Variants in ZMIZ1 observed in about 807,000 individuals in gnomAD.
ZMIZ1 encodes zinc finger MIZ-type containing 1, also known as zinc finger MIZ domain-containing protein 1.
A neutral mutation model predicts 113.9 loss-of-function variants in ZMIZ1; 17 were observed. The observed-to-expected ratio is 0.15, with a 90% confidence interval of 0.10 to 0.22. The LOEUF is 0.22. ZMIZ1 is among the 10% of genes least tolerant of loss of function. The pLI, the probability that ZMIZ1 is intolerant of heterozygous loss-of-function variation, is 1.00. For synonymous variants in ZMIZ1, 607 were observed against 603.1 expected, an observed-to-expected ratio of 1.01 and a Z score of -0.09; for missense variants, 1,059 against 1,477.8, an observed-to-expected ratio of 0.72 and a Z score of 4.65.
At chr10:79,114,469 GTGTGTGTC>G (rs1431282261) in intron 1 of ZMIZ1, among the ~76,000 whole-genome samples, 30 of 101,864 alleles carry the variant, frequency 2.9e-4, no homozygotes, top group African/African-American at 7.1e-4. Flanking sequence ...GTGTATGTGT[GTGTGTGTC>G]TGTGTGTGTG....
intron 7 of ZMIZ1, among the ~76,000 whole-genome samples, chr10:79,272,227 A>G (rs1401805234): frequency 6.6e-6 from 1 of 152,178 alleles, no homozygotes; most frequent in Non-Finnish European, 1.5e-5. Flanking sequence ...CAGATGTTGC[A>G]GTGAGCCAAG....
intron 7 of ZMIZ1, among the ~76,000 whole-genome samples, chr10:79,265,463 CTTTTCTTTT>C (rs1250761152): frequency 2.3e-5 from 3 of 131,732 alleles, no homozygotes; most frequent in African/African-American, 3.2e-5. Flanking sequence ...CCTTTTTTTT[CTTTTCTTTT>C]TTTTTTTTTT....
intron 1 of ZMIZ1, among the ~76,000 whole-genome samples, chr10:79,070,054 C>G (rs372387570): frequency 2.0e-5 from 3 of 148,018 alleles, no homozygotes; most frequent in African/African-American, 7.4e-5. Context: ...TCCCCGTGTT[C>G]TTTCTTCCTC....
chr10:79,240,706 G>A (rs1849791481), intron 7 of ZMIZ1, among the ~76,000 whole-genome samples: 1 of 137,616 alleles, frequency 7.3e-6, no homozygotes, highest in South Asian at 2.3e-4. Context: ...TCTCAAGCCG[G>A]AGGAGCGTAT....
rs77544575 is a variant in ZMIZ1, at chr10:79,228,253, C to T, written c.280+11979C>T. ...CCCATTCTATAGATTAGGAAACTGA[C>T]GCTCAAAGAGATTTATTCACTTGTC... On this transcript the variant is annotated intron_variant, in intron 7 of 24. Coordinates refer to ENST00000334512, the MANE Select transcript of ZMIZ1 (RefSeq NM_020338.4). Among the ~76,000 whole-genome samples, 1,014 of 152,338 alleles carry T rather than the reference C, an allele frequency of 6.7e-3. 10 individuals are homozygous for T. Among genetic ancestry groups the T allele is most frequent in the African/African-American group, 0.023 (944 of 41,574 alleles).
chr10:79,311,459 G>A (rs1191311671), intron 24 of ZMIZ1, among the ~76,000 whole-genome samples: 1 of 152,108 alleles, frequency 6.6e-6, no homozygotes, highest in South Asian at 2.1e-4. Flanking sequence ...CAAGCCCTGC[G>A]GGGTCCCTTG....
intron 7 of ZMIZ1, among the ~76,000 whole-genome samples, chr10:79,221,193 C>T (rs7082559): frequency 0.072 from 10,994 of 152,184 alleles, 970 homozygotes; most frequent in African/African-American, 0.21. Context: ...GAGCTTGGAG[C>T]GGGGCTTTGT....
At chr10:79,258,723 C>G (rs1232677196) in intron 7 of ZMIZ1, among the ~76,000 whole-genome samples, 1 of 152,224 alleles carries the variant, frequency 6.6e-6, no homozygotes, top group East Asian at 1.9e-4. Context: ...GCCCAGATAG[C>G]TCCCCTTTCA....
chr10:79,285,953 T>C (rs1360822740), intron 8 of ZMIZ1, among the ~76,000 whole-genome samples: 1 of 152,168 alleles, frequency 6.6e-6, no homozygotes, highest in East Asian at 1.9e-4. Context: ...AGTTGGCAAA[T>C]GGAACCGTTG....
intron 4 of ZMIZ1, among the ~76,000 whole-genome samples, chr10:79,164,433 TGAG>T (rs1179711170): frequency 2.0e-5 from 2 of 101,288 alleles, no homozygotes; most frequent in Non-Finnish European, 4.0e-5. Flanking sequence ...AGTGAGTGAG[TGAG>T]TGATTCTCAT....
chr10:79,200,834 ACATGTG>A (rs56369090), intron 4 of ZMIZ1, among the ~76,000 whole-genome samples: 66,350 of 151,414 alleles, frequency 0.44, 14,816 homozygotes, highest in Non-Finnish European at 0.49. Flanking sequence ...CACTCAGAGC[ACATGTG>A]CATGTGCATG....
intron 6 of ZMIZ1, among the ~76,000 whole-genome samples, chr10:79,215,356 G>A (rs1387222143): frequency 6.6e-6 from 1 of 150,994 alleles, no homozygotes; most frequent in East Asian, 1.9e-4. Flanking sequence ...CTGGAGTGCA[G>A]TGGTGCGATC....
At chr10:79,201,922 G>A (rs945590827) in intron 5 of ZMIZ1, among the ~76,000 whole-genome samples, 2 of 151,854 alleles carry the variant, frequency 1.3e-5, no homozygotes, top group South Asian at 2.1e-4. Context: ...GCTGTGTGAC[G>A]TTGGGCCAGT....
intron 7 of ZMIZ1, among the ~76,000 whole-genome samples, chr10:79,272,667 G>T (rs1467594864): frequency 6.6e-6 from 1 of 152,270 alleles, no homozygotes; most frequent in Non-Finnish European, 1.5e-5. Flanking sequence ...TTGGGTGAGT[G>T]ATAGAACACC....
intron 7 of ZMIZ1, among the ~76,000 whole-genome samples, chr10:79,234,168 G>T (rs7909784): frequency 0.33 from 49,856 of 151,926 alleles, 8,519 homozygotes; most frequent in Non-Finnish European, 0.39. Context: ...GGTAGAGGAG[G>T]GACTTGGGTG....
At chr10:79,290,751 G>T in intron 9 of ZMIZ1, 1 of 708,160 alleles carries the variant, frequency 1.4e-6, no homozygotes. Context: ...CAAGGCTGAC[G>T]TTCTCATCCC....
intron 7 of ZMIZ1, among the ~76,000 whole-genome samples, chr10:79,232,438 A>T (rs1258173060): frequency 1.3e-5 from 2 of 152,148 alleles, no homozygotes; most frequent in Admixed American, 1.3e-4. Context: ...AGGTATACAT[A>T]ATAAGTATTG....
chr10:79,239,806 G>C (rs1849734293), intron 7 of ZMIZ1, among the ~76,000 whole-genome samples: 1 of 152,130 alleles, frequency 6.6e-6, no homozygotes, highest in Non-Finnish European at 1.5e-5. Flanking sequence ...ACAGGATCCA[G>C]GAAGCCCATC....
intron 7 of ZMIZ1, among the ~76,000 whole-genome samples, chr10:79,221,852 C>T (rs761102368): frequency 1.3e-5 from 2 of 152,256 alleles, no homozygotes; most frequent in Admixed American, 6.5e-5. Flanking sequence ...GGGCCAGAGT[C>T]CAGAAGAGAG....
Sources: allele counts gnomAD v4.1 joint callset (sites outside exome capture counted in the v4.1 genomes callset), GRCh38; gene constraint gnomAD v4.1.1; transcripts MANE v1.5; gene names NCBI Gene and HGNC (gene_info 2026-07-23, HGNC 2026-07-21).